Variants in NEK10 observed in about 807,000 individuals in gnomAD.
The protein encoded by NEK10 is NIMA related kinase 10.
Under a neutral mutation model 159.8 loss-of-function variants are expected in NEK10, and 122 were observed. The observed-to-expected ratio is 0.76, with a 90% CI of 0.66 to 0.89. The LOEUF is 0.89. NEK10 is among the 40% of genes least tolerant of loss of function. The pLI, the probability that NEK10 is intolerant of heterozygous loss-of-function variation, is 0.00. For missense variants in NEK10, 1,342 were observed against 1,323.1 expected (o/e 1.01, Z -0.22); for synonymous variants, 466 against 457.1 (o/e 1.02, Z -0.25).
At chr3:27,240,064 A>C (rs1315545257) in intron 23 of NEK10, among the ~76,000 whole-genome samples, 1 of 152,206 alleles carries the variant, frequency 6.6e-6, no homozygotes, top group African/African-American at 2.4e-5. Flanking sequence ...GGTTTCTCTA[A>C]TCCTACTGTT....
At chr3:27,311,867 C>A in intron 8 of NEK10, 5 of 443,944 alleles carry the variant, frequency 1.1e-5, no homozygotes, top group Non-Finnish European at 1.6e-5. Context: ...TTATGGAAGC[C>A]TCTCTTGCAT....
intron 22 of NEK10, chr3:27,278,525 T>C (rs2041926853): frequency 5.2e-6 from 1 of 192,886 alleles, no homozygotes. Flanking sequence ...ATCAGGTTTT[T>C]TCTTGTTGTT....
Position 27,120,872 on chromosome 3 carries a change from C to T in NEK10, c.3082-1004G>A, listed in dbSNP as rs189313880. On this transcript the variant is annotated intron_variant, in intron 32 of 35. Coordinates refer to ENST00000691995, the MANE Select transcript of NEK10 (RefSeq NM_001394966.1). ...ACTTGGGCTGGCCAAATTTTAGTGC[C>T]TAAATTACTTTTAAAATATAAATTC... 1.1e-3 allele frequency among the ~76,000 whole-genome samples: 168 copies of T among 152,054 alleles called. 1 individual carries two copies. Among genetic ancestry groups the T allele is most frequent in the Middle Eastern group, 6.8e-3 (2 of 294 alleles).
intron 5 of NEK10, among the ~76,000 whole-genome samples, chr3:27,327,139 C>A (rs1378240491): frequency 6.6e-6 from 1 of 152,084 alleles, no homozygotes; most frequent in Non-Finnish European, 1.5e-5. Flanking sequence ...GAGCCAGGTG[C>A]CAGACTCCCA....
intron 4 of NEK10, among the ~76,000 whole-genome samples, chr3:27,344,914 T>C (rs998805981): frequency 8.5e-5 from 13 of 152,196 alleles, no homozygotes; most frequent in Non-Finnish European, 2.9e-5. Context: ...TGATTGTTTA[T>C]ATGGTTTTGT....
intron 32 of NEK10, among the ~76,000 whole-genome samples, chr3:27,122,046 T>C (rs993859785): frequency 6.6e-6 from 1 of 152,226 alleles, no homozygotes; most frequent in African/African-American, 2.4e-5. Context: ...AGTCTCCATG[T>C]TGACAAACAC....
chr3:27,109,575 A>G lies in NEK10; in HGVS notation c.*1697T>C, dbSNP rs1194463065. Among the ~76,000 whole-genome samples the G allele has an allele frequency of 6.6e-6, 1 of 151,386 alleles. No individual in the cohort carries two copies. The highest frequency in any genetic ancestry group is 1.5e-5 in the Non-Finnish European group (1 of 67,856). On this transcript the variant is annotated 3_prime_UTR_variant, in exon 36 of 36. Transcript: ENST00000691995. ...CATTTGGGAAATAACTTGATTTCAAACTCTCACCCCACAATTAGAATTTGT... is the reference window on the plus strand; with the variant it reads ...CATTTGGGAAATAACTTGATTTCAAGCTCTCACCCCACAATTAGAATTTGT...
In NEK10 at chr3:27,352,911, A is replaced by G. The variant is rs760595572; in HGVS notation, c.-29T>C. 14 of 1,518,784 alleles carry G rather than the reference A, an allele frequency of 9.2e-6. No individual in the cohort carries two copies. The highest frequency in any genetic ancestry group is 1.7e-5 in the Admixed American group (1 of 59,140). 94.1% of individuals were successfully genotyped at this position (1,518,784 alleles called of 1,614,324 possible). A position where few individuals can be genotyped will look rare whatever the true frequency, so the allele number is the denominator to read the frequency against. On this transcript the variant is annotated 5_prime_UTR_variant, in exon 2 of 36. The change abolishes an upstream ATG in the 5' untranslated region. Transcript: ENST00000691995. ...AAAACATCAATGCCCCAGAATTAACATCGCATTCCTTTAAAATTAAACCAG... is the reference window on the plus strand; with the variant it reads ...AAAACATCAATGCCCCAGAATTAACGTCGCATTCCTTTAAAATTAAACCAG...
intron 5 of NEK10, among the ~76,000 whole-genome samples, chr3:27,324,724 T>C (rs1029636709): frequency 7.2e-5 from 11 of 152,102 alleles, no homozygotes; most frequent in Non-Finnish European, 1.0e-4. Flanking sequence ...GATGATTCTT[T>C]ACAAACACAA....
chr3:27,174,818 C>A lies in NEK10; in HGVS notation c.2521G>T (p.Ala841Ser), dbSNP rs372861130. Residue 841 changes from alanine (A) to serine (S), a missense_variant, in exon 27 of 36, where the codon GCA (alanine) becomes TCA (serine). Physicochemically the swap from Ala to Ser is moderately conservative, Grantham distance 99. Transcript: ENST00000691995. ...AVLSHETFEK[A>S]SLSSSSSGAA... Reference sequence around the variant, plus strand: ...CCACTGCTGCTGCTACTCAAACTTGCCTTCTCAAAGGTCTCCTGGAAAGAG... The same window carrying A: ...CCACTGCTGCTGCTACTCAAACTTGACTTCTCAAAGGTCTCCTGGAAAGAG... 1.8e-5 allele frequency: 28 copies of A among 1,594,760 alleles called. No individual in the cohort carries two copies. Among genetic ancestry groups the A allele is most frequent in the Non-Finnish European group, 2.3e-5 (27 of 1,173,318 alleles).
chr3:27,240,380 A>G (rs1231208429), intron 23 of NEK10, among the ~76,000 whole-genome samples: 4 of 152,214 alleles, frequency 2.6e-5, no homozygotes, highest in African/African-American at 9.6e-5. Flanking sequence ...AAATAGCACT[A>G]GCTTTTAAAA....
At chr3:27,354,333 G>C (rs1434293519) in intron 1 of NEK10, among the ~76,000 whole-genome samples, 3 of 152,146 alleles carry the variant, frequency 2.0e-5, no homozygotes, top group African/African-American at 7.2e-5. Context: ...GAACAAGTAT[G>C]TGAACAGGAA....
At chr3:27,113,438 A>T (rs63319763) in intron 35 of NEK10, among the ~76,000 whole-genome samples, 1 of 120,424 alleles carries the variant, frequency 8.3e-6, no homozygotes, top group South Asian at 2.1e-4. Context: ...TCCATCTCAA[A>T]AAAAAAAAAA....
intron 11 of NEK10, among the ~76,000 whole-genome samples, chr3:27,305,393 G>T (rs1262803924): frequency 6.6e-6 from 1 of 152,042 alleles, no homozygotes; most frequent in Non-Finnish European, 1.5e-5. Flanking sequence ...GCGTGGTGGT[G>T]TGTGCCTGTA....
At chr3:27,191,470 G>T (rs1399184719) in intron 26 of NEK10, among the ~76,000 whole-genome samples, 1 of 152,210 alleles carries the variant, frequency 6.6e-6, no homozygotes, top group African/African-American at 2.4e-5. Flanking sequence ...GTGGATATTT[G>T]TAGCTTTGGC....
At chr3:27,159,981 T>C (rs1333466929) in intron 30 of NEK10, among the ~76,000 whole-genome samples, 1 of 151,506 alleles carries the variant, frequency 6.6e-6, no homozygotes, top group Non-Finnish European at 1.5e-5. Flanking sequence ...CCCTTTCTGC[T>C]TTTTCCGGAA....
intron 30 of NEK10, among the ~76,000 whole-genome samples, chr3:27,150,336 T>C (rs1425488504): frequency 6.6e-6 from 1 of 152,182 alleles, no homozygotes. Context: ...AGGACTTTCA[T>C]AGCTAGGGAG....
chr3:27,295,775 T>A, intron 14 of NEK10, 85 bp from the exon 15 acceptor site: 1 of 1,413,774 alleles, frequency 7.1e-7, no homozygotes, highest in Non-Finnish European at 9.3e-7. Flanking sequence ...ATCTCAAACA[T>A]TAATATCAAA....
chr3:27,277,063 A>C (rs1381615756), intron 22 of NEK10, among the ~76,000 whole-genome samples: 4 of 152,194 alleles, frequency 2.6e-5, no homozygotes, highest in Non-Finnish European at 4.4e-5. Context: ...AAAGCAGATG[A>C]GACAGCATTT....
Sources: gnomAD v4.1 joint callset for allele counts (sites outside exome capture counted in the v4.1 genomes callset) on GRCh38, gnomAD v4.1.1 for gene constraint, MANE v1.5 for transcripts, NCBI Gene and HGNC (gene_info 2026-07-23, HGNC 2026-07-21) for gene names.